FBXL17: variants seen among roughly 807,000 people sequenced by gnomAD.
FBXL17 encodes the protein F-box and leucine rich repeat protein 17.
Under a neutral mutation model 66.2 loss-of-function variants are expected in FBXL17, and 22 were observed. The observed-to-expected ratio is 0.33, with a 90% CI of 0.24 to 0.47. The LOEUF (loss-of-function observed/expected upper bound fraction) is 0.47. FBXL17 is among the 20% of genes least tolerant of loss of function. The pLI is 1.00. For missense variants in FBXL17, 878 were observed against 948.2 expected (o/e 0.93, Z 0.97); for synonymous variants, 474 against 400.5 (o/e 1.18, Z -2.19).
chr5:108,042,029 G>A (rs1747066636), intron 6 of FBXL17, among the ~76,000 whole-genome samples: 1 of 152,006 alleles, frequency 6.6e-6, no homozygotes, highest in Non-Finnish European at 1.5e-5. Flanking sequence ...CCAAGTAGCT[G>A]GGATTACAGG....
rs1358370024 is a variant in FBXL17, at chr5:108,025,667, T to C, written c.1746-4666A>G. Among the ~76,000 whole-genome samples, 3 of 149,992 alleles carry C rather than the reference T, an allele frequency of 2.0e-5. No homozygotes were observed. In the Admixed American group the frequency reaches 2.0e-4, roughly 10 times the overall value. On this transcript the variant is annotated intron_variant, in intron 6 of 8. Coordinates refer to ENST00000542267, the MANE Select transcript of FBXL17 (RefSeq NM_001163315.3). ...GATGGTAAGTGGGTAGGGGCTTAAG[T>C]AGCTACAACACATACACACACACAC... is the stretch of plus-strand genomic sequence containing the variant.
intron 4 of FBXL17, among the ~76,000 whole-genome samples, chr5:108,278,646 C>A (rs1408359921): frequency 6.6e-6 from 1 of 152,188 alleles, no homozygotes; most frequent in Non-Finnish European, 1.5e-5. Flanking sequence ...TCAGCTGCAA[C>A]AGCAGGGAAA....
chr5:108,119,698 T>A (rs1448386376), intron 6 of FBXL17, among the ~76,000 whole-genome samples: 1 of 152,220 alleles, frequency 6.6e-6, no homozygotes, highest in East Asian at 1.9e-4. Flanking sequence ...CTTAGACATT[T>A]TGCACAAGGT....
chr5:107,971,147 C>A (rs1752357181), intron 7 of FBXL17, among the ~76,000 whole-genome samples: 1 of 152,156 alleles, frequency 6.6e-6, no homozygotes, highest in East Asian at 1.9e-4. Context: ...CCGTTTCTTT[C>A]TGGAAAACAC....
chr5:108,223,958 A>G (rs77638377), intron 5 of FBXL17, among the ~76,000 whole-genome samples, 163 bp downstream of exon 5: 2,431 of 152,312 alleles, frequency 0.016, 63 homozygotes, highest in African/African-American at 0.054. Flanking sequence ...TTCAGAAAGG[A>G]TAAGTTTGGT....
intron 6 of FBXL17, among the ~76,000 whole-genome samples, chr5:108,059,075 G>A (rs528041868): frequency 2.5e-4 from 38 of 152,250 alleles, no homozygotes; most frequent in African/African-American, 7.9e-4. Flanking sequence ...ACAAAGGCTC[G>A]TTTCACTTGG....
chr5:108,082,412 A>G (rs1025965692), intron 6 of FBXL17, among the ~76,000 whole-genome samples: 3 of 152,320 alleles, frequency 2.0e-5, no homozygotes, highest in African/African-American at 4.8e-5. Context: ...AATATTATCA[A>G]TAAGTGCTTA....
At chr5:107,946,258 TATATATATATATATATATATA>T (rs1561333371) in intron 7 of FBXL17, among the ~76,000 whole-genome samples, 429 of 21,990 alleles carry the variant, frequency 0.02, 13 homozygotes, top group South Asian at 0.068. Flanking sequence ...TCTCATTTTA[TATATATATATATATATATATA>T]TATATATATA....
intron 4 of FBXL17, among the ~76,000 whole-genome samples, chr5:108,342,439 T>G (rs1746946310): frequency 6.6e-6 from 1 of 152,184 alleles, no homozygotes; most frequent in Non-Finnish European, 1.5e-5. Flanking sequence ...CTGAAATCAA[T>G]TATCATCCTA....
chr5:108,031,282 C>T (rs575812574), intron 6 of FBXL17, among the ~76,000 whole-genome samples: 57 of 151,826 alleles, frequency 3.8e-4, no homozygotes, highest in Admixed American at 2.7e-3. Context: ...TAGCTGTATT[C>T]GATTAGAAAT....
At position 107,930,474 on chromosome 5, in the gene FBXL17, C is replaced by A. The variant is rs549029142; in HGVS notation, c.1823-49295G>T. ...GCCCCTAGCCTGTTCTTTTCTGTCA[C>A]AAAGTCTTGTAAATTCCCTGAAGCA... On this transcript the variant is annotated intron_variant, in intron 7 of 8. Coordinates refer to ENST00000542267, the MANE Select transcript of FBXL17 (RefSeq NM_001163315.3). Among the ~76,000 whole-genome samples, 56 of 152,308 alleles carry A rather than the reference C, an allele frequency of 3.7e-4. 1 individual carries two copies. Among genetic ancestry groups the A allele is most frequent in the Admixed American group, 3.5e-3 (54 of 15,286 alleles).
intron 6 of FBXL17, among the ~76,000 whole-genome samples, chr5:108,049,269 A>G (rs1462488891): frequency 6.6e-6 from 1 of 151,766 alleles, no homozygotes; most frequent in Non-Finnish European, 1.5e-5. Flanking sequence ...TAGCCTCCCA[A>G]GTAGATGGGA....
intron 7 of FBXL17, among the ~76,000 whole-genome samples, chr5:107,912,994 T>C (rs1263859671): frequency 6.6e-6 from 1 of 152,186 alleles, no homozygotes; most frequent in Non-Finnish European, 1.5e-5. Context: ...AGGATATCAG[T>C]GGCTTAACTA....
chr5:108,370,122 T>G (rs1216521670), intron 1 of FBXL17, among the ~76,000 whole-genome samples: 1 of 152,100 alleles, frequency 6.6e-6, no homozygotes, highest in Non-Finnish European at 1.5e-5. Context: ...GAAACCAGAA[T>G]ACCCAGAGAA....
intron 5 of FBXL17, among the ~76,000 whole-genome samples, chr5:108,202,696 G>A (rs1338714985): frequency 6.6e-6 from 1 of 152,158 alleles, no homozygotes; most frequent in African/African-American, 2.4e-5. Context: ...GAGTGGGACA[G>A]TGCAAGATTT....
intron 7 of FBXL17, among the ~76,000 whole-genome samples, chr5:107,994,840 A>AAAAAAC (rs892650018): frequency 6.6e-6 from 1 of 152,218 alleles, no homozygotes; most frequent in South Asian, 2.1e-4. Context: ...GCTCCATCTC[A>AAAAAAC]AAAAACAAAA....
intron 4 of FBXL17, among the ~76,000 whole-genome samples, chr5:108,239,958 G>A (rs929327681): frequency 2.6e-5 from 4 of 151,986 alleles, no homozygotes; most frequent in African/African-American, 4.8e-5. Flanking sequence ...CACCCTCAGC[G>A]AGAAAAGAAC....
At chr5:108,036,666 G>A (rs1270042424) in intron 6 of FBXL17, among the ~76,000 whole-genome samples, 1 of 151,938 alleles carries the variant, frequency 6.6e-6, no homozygotes, top group African/African-American at 2.4e-5. Context: ...ATGCTGACCC[G>A]ACTTCCTCCT....
chr5:108,201,316 T>C (rs779756494), intron 5 of FBXL17, among the ~76,000 whole-genome samples: 4 of 152,122 alleles, frequency 2.6e-5, no homozygotes, highest in African/African-American at 7.2e-5. Flanking sequence ...TGTGAATGTA[T>C]GTACTGTGTT....
Sources: allele counts gnomAD v4.1 joint callset (sites outside exome capture counted in the v4.1 genomes callset), GRCh38; gene constraint gnomAD v4.1.1; transcripts MANE v1.5; gene names NCBI Gene and HGNC (gene_info 2026-07-23, HGNC 2026-07-21).